PHF24: variants seen among roughly 807,000 people sequenced by gnomAD.
PHF24 encodes PHD finger protein 24, also known as Galpha inhibitory interacting protein.
A neutral mutation model predicts 42.6 loss-of-function variants in PHF24; 25 were observed. That is an observed-to-expected ratio of 0.59 (90% CI 0.43 to 0.82). The LOEUF is 0.82. Ranked by LOEUF, PHF24 falls within the 40% of genes least tolerant of loss-of-function variation. The probability of loss-of-function intolerance (pLI) is 0.00; values close to 1 mark genes in which losing one functional copy is unlikely to be tolerated. For synonymous variants in PHF24, 185 were observed against 204.8 expected (o/e 0.90, Z 0.83); for missense variants, 470 against 538.1 (o/e 0.87, Z 1.25).
At chr9:34,786,056 A>G in the PHF24 span, among the ~76,000 whole-genome samples, 1 of 152,116 alleles carries the variant, frequency 6.6e-6, no homozygotes, top group Non-Finnish European at 1.5e-5. Flanking sequence ...CATATCTCCA[A>G]CCTCTAGCAC....
At chr9:34,914,747 T>G in the PHF24 span, among the ~76,000 whole-genome samples, 1 of 152,102 alleles carries the variant, frequency 6.6e-6, no homozygotes, top group Admixed American at 6.6e-5. Context: ...TGCCTTCCTG[T>G]GATCACTTGC....
chr9:34,728,073 C>T, the PHF24 span: 17 of 1,551,816 alleles, frequency 1.1e-5, no homozygotes, highest in South Asian at 2.4e-5. Flanking sequence ...TTCCCGGGAA[C>T]GTCTCCTAGC....
chr9:34,979,803 G>A (rs962193294), exon 8 of PHF24: 4 of 152,212 alleles, frequency 2.6e-5, no homozygotes, highest in Non-Finnish European at 4.4e-5. Flanking sequence ...GGATTATTTG[G>A]GACTGAAATG....
chr9:34,833,220 C>T, the PHF24 span: 5 of 1,544,846 alleles, frequency 3.2e-6, no homozygotes, highest in Non-Finnish European at 4.4e-6. Context: ...CTTTGAGGCT[C>T]AGGGCCACAG....
chr9:34,670,474 T>C, the PHF24 span, among the ~76,000 whole-genome samples: 1 of 152,226 alleles, frequency 6.6e-6, no homozygotes, highest in Admixed American at 6.5e-5. Context: ...ACTTTCCCAC[T>C]GGATAGCTCC....
chr9:34,905,142 C>T, the PHF24 span, among the ~76,000 whole-genome samples: 1 of 152,150 alleles, frequency 6.6e-6, no homozygotes, highest in African/African-American at 2.4e-5. Context: ...TTCAGAGAAC[C>T]TTGACAAAAT....
At chr9:34,706,789 T>C in the PHF24 span, among the ~76,000 whole-genome samples, 1 of 152,006 alleles carries the variant, frequency 6.6e-6, no homozygotes, top group African/African-American at 2.4e-5. Flanking sequence ...TGTCCTGATG[T>C]CAAAGGGAGC....
chr9:34,728,728 TTACA>T, the PHF24 span: 3,409 of 1,358,010 alleles, frequency 2.5e-3, 66 homozygotes, highest in African/African-American at 0.042. Context: ...GAGACAAAAC[TTACA>T]TACATTTTTC....
the PHF24 span, among the ~76,000 whole-genome samples, chr9:34,891,054 A>C: frequency 0.033 from 5,037 of 152,180 alleles, 284 homozygotes; most frequent in African/African-American, 0.12. Flanking sequence ...GAGCCACATA[A>C]TAGAGAGCAG....
the PHF24 span, among the ~76,000 whole-genome samples, chr9:34,701,877 G>T: frequency 6.6e-6 from 1 of 152,146 alleles, no homozygotes; most frequent in Admixed American, 6.5e-5. This position sits in a 1 kb window ranked among gnomAD's most constrained non-coding sequence, Gnocchi z 5.8. Flanking sequence ...GCCCCAAATA[G>T]TCCCGATTTA....
At chr9:34,875,331 G>A in the PHF24 span, among the ~76,000 whole-genome samples, 11 of 152,264 alleles carry the variant, frequency 7.2e-5, no homozygotes, top group Non-Finnish European at 1.5e-4. Context: ...AATGACAAAA[G>A]TGTATTTCTT....
the PHF24 span, among the ~76,000 whole-genome samples, chr9:34,809,272 A>G: frequency 6.6e-6 from 1 of 152,304 alleles, no homozygotes; most frequent in Admixed American, 6.5e-5. The surrounding 1 kb of genome is among the most constrained non-coding windows in gnomAD (Gnocchi z 4.1). Context: ...AATAATTTAA[A>G]TAAGGTCTTC....
chr9:34,911,353 C>T, the PHF24 span, among the ~76,000 whole-genome samples: 59 of 152,160 alleles, frequency 3.9e-4, no homozygotes, highest in African/African-American at 1.4e-3. Flanking sequence ...CTCCTGGGTT[C>T]AAGCAATTCT....
the PHF24 span, among the ~76,000 whole-genome samples, chr9:34,755,995 A>G: frequency 2.6e-5 from 4 of 152,234 alleles, no homozygotes; most frequent in South Asian, 6.2e-4. Flanking sequence ...TTATTCATAA[A>G]ACGTATTACC....
At chr9:34,732,182 G>T in the PHF24 span, among the ~76,000 whole-genome samples, 1 of 151,996 alleles carries the variant, frequency 6.6e-6, no homozygotes, top group Non-Finnish European at 1.5e-5. Context: ...CTCCATACTG[G>T]TCTCCATAGT....
the PHF24 span, among the ~76,000 whole-genome samples, chr9:34,758,832 G>A: frequency 6.6e-6 from 1 of 152,088 alleles, no homozygotes; most frequent in African/African-American, 2.4e-5. This position sits in a 1 kb window ranked among gnomAD's most constrained non-coding sequence, Gnocchi z 4.4. Flanking sequence ...AAGGACTGTG[G>A]GTGTTTGCAG....
the PHF24 span, chr9:34,917,751 G>A: frequency 1.1e-6 from 1 of 871,114 alleles, no homozygotes; most frequent in East Asian, 2.4e-5. Flanking sequence ...AGGATTGTGG[G>A]GACTAATGCC....
chr9:34,866,991 A>G, the PHF24 span, among the ~76,000 whole-genome samples: 77 of 152,340 alleles, frequency 5.1e-4, no homozygotes, highest in East Asian at 0.013. Context: ...GCTCTAGACT[A>G]TGAGGCATGA....
chr9:34,865,143 C>A, the PHF24 span, among the ~76,000 whole-genome samples: 3,962 of 101,152 alleles, frequency 0.039, no homozygotes, highest in Non-Finnish European at 0.044. Flanking sequence ...TGCGCCACTG[C>A]AAAAAAAAAA....
Sources: allele counts gnomAD v4.1 joint callset (sites outside exome capture counted in the v4.1 genomes callset), GRCh38; gene constraint gnomAD v4.1.1; non-coding constraint Gnocchi (gnomAD v3.1); transcripts MANE v1.5; gene names NCBI Gene and HGNC (gene_info 2026-07-23, HGNC 2026-07-21).